CTAGE1: variants seen among roughly 807,000 people sequenced by gnomAD.
CTAGE1 encodes cutaneous T cell lymphoma-associated antigen 1.
For synonymous variants in CTAGE1, 332 were observed against 302.8 expected (o/e 1.10, Z -1.00); for missense variants, 963 against 855.9 (o/e 1.13, Z -1.56).
rs754466310 is a variant in CTAGE1 at position 22,415,987 on chromosome 18, G to C, written c.1825C>G (p.Leu609Val). The change falls in exon 1 of 1, where the codon CTC becomes GTC. Residue 609 changes from leucine (L) to valine (V), a missense_variant. Coordinates refer to ENST00000391403, the MANE Select transcript of CTAGE1 (RefSeq NM_172241.3). The part of the protein sequence containing the change: ...NCARLSGPAE[L>V]RSFNMPSLDK... ...AAAGAAGGCATATTAAAACTTCTGA[G>C]TTCTGCTGGTCCAGAGAGTCTAGCA... 1 of 1,613,916 alleles carries C rather than the reference G, an allele frequency of 6.2e-7. No individual in the cohort carries two copies. The highest frequency in any genetic ancestry group is 8.5e-7 in the Non-Finnish European group (1 of 1,179,854).
chr18:22,416,704 A>C lies in CTAGE1; in HGVS notation c.1108T>G (p.Leu370Val), dbSNP rs747309699. 1 of 1,613,170 alleles carries C rather than the reference A, an allele frequency of 6.2e-7. No individual in the cohort carries two copies. The highest frequency in any genetic ancestry group is 1.1e-5 in the South Asian group (1 of 90,770). ...QENEMKLYRKLIVEEKCRLEK... is the reference protein window; with the variant it reads ...QENEMKLYRKVIVEEKCRLEK... ...AACCGGCATTTTTCCTCTACTATTA[A>C]TTTCCTGTAGAGTTTCATTTCATTT... is the stretch of plus-strand genomic sequence containing the variant. Residue 370 changes from leucine to valine, a missense_variant, in exon 1 of 1, where the codon TTA becomes GTA. Leu to Val is a conservative substitution (Grantham distance 32). Coordinates refer to ENST00000391403, the MANE Select transcript of CTAGE1 (RefSeq NM_172241.3).
rs756208335 is a variant in CTAGE1 at position 22,416,069 on chromosome 18, T to C, written c.1743A>G (p.Gln581=). Residue 581 remains glutamine (Q), a synonymous_variant, in exon 1 of 1, where the codon CAA becomes CAG. Coordinates refer to ENST00000391403, the MANE Select transcript of CTAGE1 (RefSeq NM_172241.3). ...DYRMMFPPPG[Q]SYPDSALPPQ... is the part of the protein sequence containing the mutation. ...GAGGGAGAGCTGAATCAGGATATGATTGTCCTGGTGGAGGAAACATCATCC... is the reference window on the plus strand; with the variant it reads ...GAGGGAGAGCTGAATCAGGATATGACTGTCCTGGTGGAGGAAACATCATCC... 14 of 1,613,826 alleles carry C rather than the reference T, an allele frequency of 8.7e-6. No individual in the cohort carries two copies. The Admixed American group carries it at 1.0e-4, about 12-fold the overall frequency.
Position 22,417,305 on chromosome 18 carries a change from C to A in CTAGE1, c.507G>T (p.Ala169=), listed in dbSNP as rs78862845. Reference sequence around the variant, plus strand: ...TTTCTATCTCCAACCGTTCTTCATTCGCTTGAAATCTCTTGAAGGTCATTT... The same window carrying A: ...TTTCTATCTCCAACCGTTCTTCATTAGCTTGAAATCTCTTGAAGGTCATTT... The part of the protein sequence containing the change: ...EAKMTFKRFQ[A]NEERLEIEIQ... The change falls in exon 1 of 1, where the codon GCG becomes GCT. Residue 169 remains alanine, a synonymous_variant. Coordinates refer to ENST00000391403, the MANE Select transcript of CTAGE1 (RefSeq NM_172241.3). The A allele has an allele frequency of 1.2e-6, 2 of 1,613,912 alleles. No homozygotes were observed. The highest frequency in any genetic ancestry group is 1.7e-6 in the Non-Finnish European group (2 of 1,179,854).
At position 22,416,208 on chromosome 18, in the gene CTAGE1, G is replaced by A. The variant is rs757301215; in HGVS notation, c.1604C>T (p.Pro535Leu). 36 of 1,613,776 alleles carry A rather than the reference G, an allele frequency of 2.2e-5. No individual in the cohort carries two copies. The highest frequency in any genetic ancestry group is 2.7e-5 in the African/African-American group (2 of 74,888). ...GRGSRGPGNP[P>L]DHQITKERGE... ...TCTTTCTTTGGTAATCTGATGGTCCGGAGGATTCCCTGGGCCTCTGGAGCC... is the reference window on the plus strand; with the variant it reads ...TCTTTCTTTGGTAATCTGATGGTCCAGAGGATTCCCTGGGCCTCTGGAGCC... Residue 535 changes from proline (P) to leucine (L), a missense_variant, in exon 1 of 1, where the codon CCG (proline) becomes CTG (leucine). Physicochemically the swap from Pro to Leu is moderately conservative, Grantham distance 98. Transcript: ENST00000391403.
rs765643156 is a variant in CTAGE1 at position 22,416,866 on chromosome 18, T to G, written c.946A>C (p.Thr316Pro). ...ATATGCTCTGTAAGCTCTTCCTTTG[T>G]TTTATCAACTTCAGATAATTGAATA... ...IYIQLSEVDK[T>P]KEELTEHIKN... The change falls in exon 1 of 1, where the codon ACA becomes CCA. Residue 316 changes from threonine to proline, a missense_variant. Thr to Pro is a conservative substitution (Grantham distance 38). Coordinates refer to ENST00000391403, the MANE Select transcript of CTAGE1 (RefSeq NM_172241.3). 1.9e-6 allele frequency: 3 copies of G among 1,613,384 alleles called. No individual in the cohort carries two copies. Among genetic ancestry groups the G allele is most frequent in the African/African-American group, 2.7e-5 (2 of 74,906 alleles).
At position 22,414,835 on chromosome 18, in the gene CTAGE1, A is replaced by G. The variant is rs2034990804; in HGVS notation, c.*739T>C. ...AAAAGAAATAACAACACAATTATGT[A>G]ATGATATGATGACAAACATAGGAAG... On this transcript the variant is annotated 3_prime_UTR_variant, in exon 1 of 1. Transcript: ENST00000391403. 2 of 701,358 alleles carry G rather than the reference A, an allele frequency of 2.9e-6. No individual in the cohort carries two copies. Among genetic ancestry groups the G allele is most frequent in the Admixed American group, 2.0e-5 (1 of 49,914 alleles). 43.4% of individuals were successfully genotyped at this position (701,358 alleles called of 1,614,324 possible).
In CTAGE1 at chr18:22,417,677, C is replaced by G. The variant is rs1170910996; in HGVS notation, c.135G>C (p.Glu45Asp). 5 of 1,614,076 alleles carry G rather than the reference C, an allele frequency of 3.1e-6. No homozygotes were observed. The highest frequency in any genetic ancestry group is 1.7e-5 in the Admixed American group (1 of 60,028). Residue 45 changes from glutamate (E) to aspartate (D), a missense_variant, in exon 1 of 1, where the codon GAG becomes GAC. Coordinates refer to ENST00000391403, the MANE Select transcript of CTAGE1 (RefSeq NM_172241.3). ...SVTSRLYVRR[E>D]KKFAVALSGL... ...CAGAAAGTGCCACAGCAAACTTTTT[C>G]TCTCTTCTCACATAAAGCCGACTCG...
Position 22,416,787 on chromosome 18 carries a change from T to A in CTAGE1, c.1025A>T (p.Glu342Val), listed in dbSNP as rs373683537. The stretch of plus-strand genomic sequence containing the variant: ...CTGCTGAAGCTTCTGATTCTCACTT[T>A]CAAAATGTGTGTTTTCTGACTGCAA... ...ASLQSENTHF[E>V]SENQKLQQKL... The change falls in exon 1 of 1, where the codon GAA becomes GTA. Residue 342 changes from glutamate (E) to valine (V), a missense_variant. Coordinates refer to ENST00000391403, the MANE Select transcript of CTAGE1 (RefSeq NM_172241.3). 5.6e-6 allele frequency: 9 copies of A among 1,612,542 alleles called. No individual in the cohort carries two copies. Among genetic ancestry groups the A allele is most frequent in the Middle Eastern group, 2.0e-4 (1 of 5,116 alleles).
rs961727083 is a variant in CTAGE1, at chr18:22,415,100, A to T, written c.*474T>A. 26 of 243,396 alleles carry T rather than the reference A, an allele frequency of 1.1e-4. No individual in the cohort carries two copies. Among genetic ancestry groups the T allele is most frequent in the African/African-American group, 2.4e-4 (11 of 45,078 alleles). 15.1% of individuals were successfully genotyped at this position (243,396 alleles called of 1,614,324 possible). ...TGCATATTTATATATTTCTTTTTTT[A>T]AATTTTTTAAATTTTTTTAATCAAC... is the stretch of plus-strand genomic sequence containing the variant. On this transcript the variant is annotated 3_prime_UTR_variant, in exon 1 of 1. Transcript: ENST00000391403.
rs1472394697 is a variant in CTAGE1 at position 22,417,499 on chromosome 18, T to C, written c.313A>G (p.Asn105Asp). 1.2e-6 allele frequency: 2 copies of C among 1,614,050 alleles called. No homozygotes were observed. The highest frequency in any genetic ancestry group is 1.7e-6 in the Non-Finnish European group (2 of 1,179,880). ...TGCACAAGTTCAGAATTGAACCTGT[T>C]CAGCTTTTCGCAGGTTGCCTCCAAA... is the stretch of plus-strand genomic sequence containing the variant. Reference protein sequence around the residue: ...QSLEATCEKLNRFNSELVHEI... With the variant: ...QSLEATCEKLDRFNSELVHEI... Residue 105 changes from asparagine (N) to aspartate (D), a missense_variant, in exon 1 of 1, where the codon AAC (asparagine) becomes GAC (aspartate). Coordinates refer to ENST00000391403, the MANE Select transcript of CTAGE1 (RefSeq NM_172241.3).
In CTAGE1 at chr18:22,417,139, G is replaced by A; in HGVS notation, c.673C>T (p.Gln225Ter). Residue 225 changes from glutamine (Q) to a stop codon, truncating the protein, a stop_gained, in exon 1 of 1, where the codon CAA (glutamine) becomes TAA (stop). Transcript: ENST00000391403. LOFTEE classifies it low-confidence loss of function (END_TRUNC). ...TFEDSKVHAE[Q>*]VLNDKENHIK... is the part of the protein sequence containing the mutation. Reference sequence around the variant, plus strand: ...TGATTTTCTTTATCATTTAGAACTTGTTCTGCATGTACTTTGGAGTCTTCA... The same window carrying A: ...TGATTTTCTTTATCATTTAGAACTTATTCTGCATGTACTTTGGAGTCTTCA... 1 of 1,613,832 alleles carries A rather than the reference G, an allele frequency of 6.2e-7. No homozygotes were observed. The highest frequency in any genetic ancestry group is 8.5e-7 in the Non-Finnish European group (1 of 1,179,776).
In CTAGE1 at chr18:22,415,476, G is replaced by A. The variant is rs190451673; in HGVS notation, c.*98C>T. On this transcript the variant is annotated 3_prime_UTR_variant, in exon 1 of 1. Coordinates refer to ENST00000391403, the MANE Select transcript of CTAGE1 (RefSeq NM_172241.3). ...GATCAGTCAAAATTACTTTTGAAGAGGGCAAACATGTTGTTAGGTTTCTTG... is the reference window on the plus strand; with the variant it reads ...GATCAGTCAAAATTACTTTTGAAGAAGGCAAACATGTTGTTAGGTTTCTTG... The A allele has an allele frequency of 5.6e-4, 582 of 1,033,412 alleles. 4 individuals are homozygous for A. The African/African-American group carries it at 8.7e-3, about 15-fold the overall frequency. The allele number at this position is 1,033,412 out of a possible 1,614,324, so 64.0% of individuals were successfully genotyped here.
In CTAGE1 at chr18:22,414,592, CTCAA is replaced by C; in HGVS notation, c.*978_*981del. On this transcript the variant is annotated 3_prime_UTR_variant, in exon 1 of 1. Transcript: ENST00000391403. ...TTTAACAGAATTCCAGAGAAGAGAGCTCAATCAGAGATCAAATTCACCAACTGCA... is the reference window on the plus strand; with the variant it reads ...TTTAACAGAATTCCAGAGAAGAGAGCTCAGAGATCAAATTCACCAACTGCA... The C allele has an allele frequency of 1.5e-6, 1 of 678,584 alleles. No individual in the cohort carries two copies. The highest frequency in any genetic ancestry group is 2.7e-6 in the Non-Finnish European group (1 of 375,420). The allele number at this position is 678,584 out of a possible 1,614,324, so 42.0% of individuals were successfully genotyped here.
Position 22,416,192 on chromosome 18 carries a change from G to A in CTAGE1, c.1620C>T (p.Thr540=), listed in dbSNP as rs1463185468. 1 of 1,613,854 alleles carries A rather than the reference G, an allele frequency of 6.2e-7. No individual in the cohort carries two copies. Among genetic ancestry groups the A allele is most frequent in the Non-Finnish European group, 8.5e-7 (1 of 1,179,860 alleles). The part of the protein sequence containing the change: ...GPGNPPDHQI[T]KERGESSCDR... ...CACAGCTTGATTCTCCTCTTTCTTT[G>A]GTAATCTGATGGTCCGGAGGATTCC... is the stretch of plus-strand genomic sequence containing the variant. The change falls in exon 1 of 1, where the codon ACC becomes ACT. Residue 540 remains threonine, a synonymous_variant. Transcript: ENST00000391403.
Position 22,416,396 on chromosome 18 carries a change from A to G in CTAGE1, c.1416T>C (p.Tyr472=). ...FKIKLLEKDP[Y]GLDVPNTAFG... ...ATGCTGTATTTGGAACATCAAGTCC[A>G]TAAGGATCTTTTTCTAAAAGTTTTA... is the stretch of plus-strand genomic sequence containing the variant. The change falls in exon 1 of 1, where the codon TAT becomes TAC. Residue 472 remains tyrosine (Y), a synonymous_variant. Transcript: ENST00000391403. 1.9e-6 allele frequency: 3 copies of G among 1,613,886 alleles called. No individual in the cohort carries two copies. The highest frequency in any genetic ancestry group is 2.5e-6 in the Non-Finnish European group (3 of 1,179,876).
At position 22,415,471 on chromosome 18, in the gene CTAGE1, G is replaced by GA; in HGVS notation, c.*102dup. 1.0e-6 allele frequency: 1 copy of GA among 986,342 alleles called. No homozygotes were observed. The highest frequency in any genetic ancestry group is 2.4e-5 in the Admixed American group (1 of 41,738). 61.1% of individuals were successfully genotyped at this position (986,342 alleles called of 1,614,324 possible). Reference sequence around the variant, plus strand: ...AATGAGATCAGTCAAAATTACTTTTGAAGAGGGCAAACATGTTGTTAGGTT... The same window carrying GA: ...AATGAGATCAGTCAAAATTACTTTTGAAAGAGGGCAAACATGTTGTTAGGTT... On this transcript the variant is annotated 3_prime_UTR_variant, in exon 1 of 1. Coordinates refer to ENST00000391403, the MANE Select transcript of CTAGE1 (RefSeq NM_172241.3).
In CTAGE1 at chr18:22,414,547, G is replaced by C; in HGVS notation, c.*1027C>G. On this transcript the variant is annotated 3_prime_UTR_variant, in exon 1 of 1. Transcript: ENST00000391403. ...CCAAAATTTGAGGGCGTCTCTCAGGGAACACGATACATTTCATCTTTTAAC... is the reference window on the plus strand; with the variant it reads ...CCAAAATTTGAGGGCGTCTCTCAGGCAACACGATACATTTCATCTTTTAAC... 2 of 617,328 alleles carry C rather than the reference G, an allele frequency of 3.2e-6. No homozygotes were observed. The highest frequency in any genetic ancestry group is 4.0e-5 in the South Asian group (2 of 50,318). The allele number at this position is 617,328 out of a possible 1,614,324, so 38.2% of individuals were successfully genotyped here. A position where few individuals can be genotyped will look rare whatever the true frequency, so the allele number is the denominator to read the frequency against.
rs758325773 is a variant in CTAGE1 at position 22,415,747 on chromosome 18, G to A, written c.2065C>T (p.Pro689Ser). 3 of 1,613,840 alleles carry A rather than the reference G, an allele frequency of 1.9e-6. No homozygotes were observed. The highest frequency in any genetic ancestry group is 2.2e-5 in the East Asian group (1 of 44,900). Reference protein sequence around the residue: ...GPFIRRGPPFPPPPPGTVFGA... With the variant: ...GPFIRRGPPFSPPPPGTVFGA... ...AACACGGTTCCTGGAGGAGGTGGGGGGAAAGGAGGTCCTCTTCTTATGAAC... is the reference window on the plus strand; with the variant it reads ...AACACGGTTCCTGGAGGAGGTGGGGAGAAAGGAGGTCCTCTTCTTATGAAC... The change falls in exon 1 of 1, where the codon CCC becomes TCC. Residue 689 changes from proline to serine, a missense_variant. Transcript: ENST00000391403.
In CTAGE1 at chr18:22,414,556, A is replaced by G; in HGVS notation, c.*1018T>C. 1 of 633,972 alleles carries G rather than the reference A, an allele frequency of 1.6e-6. No individual in the cohort carries two copies. Among genetic ancestry groups the G allele is most frequent in the Non-Finnish European group, 2.8e-6 (1 of 356,218 alleles). The allele number at this position is 633,972 out of a possible 1,614,324, so 39.3% of individuals were successfully genotyped here. A position where few individuals can be genotyped will look rare whatever the true frequency, so the allele number is the denominator to read the frequency against. ...GAGGGCGTCTCTCAGGGAACACGAT[A>G]CATTTCATCTTTTAACAGAATTCCA... On this transcript the variant is annotated 3_prime_UTR_variant, in exon 1 of 1. Coordinates refer to ENST00000391403, the MANE Select transcript of CTAGE1 (RefSeq NM_172241.3).
Sources: allele counts gnomAD v4.1 joint callset, GRCh38; gene constraint gnomAD v4.1.1; transcripts MANE v1.5; gene names NCBI Gene and HGNC (gene_info 2026-07-23, HGNC 2026-07-21).